C8orf76: variants seen among roughly 807,000 people sequenced by gnomAD.
C8orf76 encodes uncharacterized protein C8orf76.
Under a neutral mutation model 38.1 loss-of-function variants are expected in C8orf76, and 46 were observed. That is an observed-to-expected ratio of 1.21 (90% CI 0.95 to 1.54). The LOEUF (loss-of-function observed/expected upper bound fraction) is 1.54. Ranked by LOEUF, C8orf76 falls within the 40% of genes most tolerant of loss-of-function variation. The pLI is 0.00. For missense variants in C8orf76, 461 were observed against 441.6 expected (o/e 1.04, Z -0.39); for synonymous variants, 166 against 167.5 (o/e 0.99, Z 0.07).
At chr8:123,228,749 C>G (rs1422326231) in intron 4 of C8orf76, among the ~76,000 whole-genome samples, 1 of 152,178 alleles carries the variant, frequency 6.6e-6, no homozygotes, top group Non-Finnish European at 1.5e-5. Flanking sequence ...CACCAAACAT[C>G]TTGTGTTAAC....
chr8:123,234,413 T>C (rs1440260643), intron 3 of C8orf76, among the ~76,000 whole-genome samples: 2 of 152,114 alleles, frequency 1.3e-5, no homozygotes, highest in Non-Finnish European at 2.9e-5. Flanking sequence ...GGTGGGCAGA[T>C]CACTTGAGGT....
intron 4 of C8orf76, among the ~76,000 whole-genome samples, chr8:123,230,663 T>A (rs1430385936): frequency 1.3e-5 from 2 of 152,012 alleles, no homozygotes; most frequent in Non-Finnish European, 2.9e-5. Flanking sequence ...CTCTTTTTTT[T>A]TTTTTTGAGA....
intron 5 of C8orf76, among the ~76,000 whole-genome samples, chr8:123,225,826 G>A (rs563310993): frequency 1.2e-4 from 19 of 152,180 alleles, no homozygotes; most frequent in African/African-American, 4.3e-4. Context: ...TCGGGAGGCT[G>A]AGACATGAGA....
At chr8:123,240,447 G>C (rs539154080) in intron 1 of C8orf76, among the ~76,000 whole-genome samples, 4 of 152,236 alleles carry the variant, frequency 2.6e-5, no homozygotes, top group East Asian at 1.9e-4. Context: ...ACCCACCACA[G>C]TGCCCGGAAC....
intron 5 of C8orf76, among the ~76,000 whole-genome samples, chr8:123,221,861 A>T (rs1406810275): frequency 6.6e-6 from 1 of 152,178 alleles, no homozygotes; most frequent in African/African-American, 2.4e-5. Flanking sequence ...GTGAGCTATG[A>T]CTGTGCCACT....
chr8:123,233,663 C>A (rs949421965), intron 3 of C8orf76, among the ~76,000 whole-genome samples: 1 of 150,730 alleles, frequency 6.6e-6, no homozygotes, highest in African/African-American at 2.4e-5. Context: ...GCTGGGAATA[C>A]AGGCATGAGC....
At chr8:123,227,572 A>G (rs1825091614) in intron 4 of C8orf76, among the ~76,000 whole-genome samples, 1 of 152,198 alleles carries the variant, frequency 6.6e-6, no homozygotes. Context: ...CAGGCAAGCT[A>G]CGAGCTACCT....
chr8:123,221,424 C>T (rs1586797781), intron 5 of C8orf76, among the ~76,000 whole-genome samples: 1 of 152,110 alleles, frequency 6.6e-6, no homozygotes, highest in Non-Finnish European at 1.5e-5. Context: ...GCAAGATCCC[C>T]GTCCCTACAA....
At chr8:123,238,899 GGAAACTT>G in intron 2 of C8orf76, 143 bp downstream of exon 2, 1 of 715,980 alleles carries the variant, frequency 1.4e-6, no homozygotes, top group Admixed American at 2.9e-5. Flanking sequence ...AGAAAAGAAC[GGAAACTT>G]GGGAGCCTCA....
At chr8:123,221,996 T>G (rs113695511) in intron 5 of C8orf76, among the ~76,000 whole-genome samples, 56 of 152,058 alleles carry the variant, frequency 3.7e-4, no homozygotes, top group South Asian at 1.7e-3. Flanking sequence ...TTCTTTTTTT[T>G]GGGGGGCGGG....
At chr8:123,229,271 C>G (rs1247594972) in intron 4 of C8orf76, among the ~76,000 whole-genome samples, 1 of 152,240 alleles carries the variant, frequency 6.6e-6, no homozygotes. Context: ...AGCTCCAAAT[C>G]CTGGCCCTGC....
In C8orf76 at chr8:123,241,278, C is replaced by T; in HGVS notation, c.69G>A (p.Arg23=). 6.3e-7 allele frequency: 1 copy of T among 1,582,862 alleles called. No individual in the cohort carries two copies. The highest frequency in any genetic ancestry group is 1.1e-5 in the South Asian group (1 of 89,212). Reference sequence around the variant, plus strand: ...AGTAGGACGCGGGCGGTCCTGACCGCCGCTCCGGCCTCTCCTCGAACACCG... The same window carrying T: ...AGTAGGACGCGGGCGGTCCTGACCGTCGCTCCGGCCTCTCCTCGAACACCG... The part of the protein sequence containing the change: ...EDSVFEERPE[R]RSGPPASYCA... Residue 23 remains arginine (R), a synonymous_variant, in exon 1 of 6, where the codon CGG becomes CGA. Transcript: ENST00000276704.
At chr8:123,238,008 A>G in intron 2 of C8orf76, 67 bp from the exon 3 acceptor site, 1 of 1,533,106 alleles carries the variant, frequency 6.5e-7, no homozygotes, top group East Asian at 2.3e-5. Flanking sequence ...GATTCAGAAT[A>G]GGGGTGATTT....
At chr8:123,223,200 A>G (rs1312061412) in intron 5 of C8orf76, among the ~76,000 whole-genome samples, 2 of 152,256 alleles carry the variant, frequency 1.3e-5, no homozygotes. Context: ...AATGTTAGGT[A>G]AATATCAGAA....
chr8:123,222,817 C>G (rs1215502402), intron 5 of C8orf76, among the ~76,000 whole-genome samples: 2 of 152,072 alleles, frequency 1.3e-5, no homozygotes, highest in African/African-American at 4.8e-5. Context: ...AAACAGAGGT[C>G]AAAATGATTG....
Position 123,231,401 on chromosome 8 carries a change from A to AT in C8orf76, c.713dup (p.Asn238LysfsTer2), listed in dbSNP as rs1825266172. ...TTTGGATATTTGTCAGAGCTTTCTC[A>AT]TTTTTCTGGCTATTACTGCTATTCG... On this transcript the variant is annotated frameshift_variant, in exon 4 of 6. Transcript: ENST00000276704. LOFTEE classifies it high-confidence loss of function. The AT allele has an allele frequency of 6.2e-7, 1 of 1,614,014 alleles. No individual in the cohort carries two copies. Among genetic ancestry groups the AT allele is most frequent in the South Asian group, 1.1e-5 (1 of 91,090 alleles).
intron 5 of C8orf76, chr8:123,226,286 T>C: frequency 1.4e-6 from 2 of 1,393,622 alleles, no homozygotes; most frequent in Non-Finnish European, 1.8e-6. Flanking sequence ...CACTGACAAG[T>C]ACATGAAACA....
intron 4 of C8orf76, 51 bp downstream of exon 4, chr8:123,231,249 C>A: frequency 2.6e-6 from 4 of 1,530,210 alleles, no homozygotes; most frequent in Non-Finnish European, 3.5e-6. Context: ...GAAAATAAAG[C>A]CTTTACTCTG....
At chr8:123,233,869 A>G (rs1314311658) in intron 3 of C8orf76, among the ~76,000 whole-genome samples, 1 of 151,966 alleles carries the variant, frequency 6.6e-6, no homozygotes, top group Non-Finnish European at 1.5e-5. Flanking sequence ...TCTACTAAAA[A>G]TACAAAAAAT....
Sources: allele counts gnomAD v4.1 joint callset (sites outside exome capture counted in the v4.1 genomes callset), GRCh38; gene constraint gnomAD v4.1.1; transcripts MANE v1.5; gene names NCBI Gene and HGNC (gene_info 2026-07-23, HGNC 2026-07-21).